Variants in SMYD1 observed in about 807,000 individuals in gnomAD.
SMYD1 encodes histone-lysine N-methyltransferase SMYD1.
Under a neutral mutation model 54.0 loss-of-function variants are expected in SMYD1, and 49 were observed. The ratio of observed to expected loss-of-function variants is 0.91; its 90% confidence interval spans 0.72 to 1.15. The LOEUF (loss-of-function observed/expected upper bound fraction) is 1.15. Ranked by LOEUF, SMYD1 falls within the 50% of genes most tolerant of loss-of-function variation. The pLI is 0.00. For missense variants in SMYD1, 653 were observed against 639.6 expected (o/e 1.02, Z -0.23); for synonymous variants, 269 against 234.2 (o/e 1.15, Z -1.36).
chr2:88,067,950 CTG>C lies in SMYD1; in HGVS notation c.87_88del (p.Ala30ArgfsTer6), dbSNP rs777427489. On this transcript the variant is annotated frameshift_variant, in exon 1 of 10. Coordinates refer to ENST00000419482, the MANE Select transcript of SMYD1 (RefSeq NM_198274.4). LOFTEE classifies it high-confidence loss of function. ...CTGAAGGCCACCAAGGAGTTCTGGGCTGCAGATATCATCTTTGCTGAGCGGGC... is the reference window on the plus strand; with the variant it reads ...CTGAAGGCCACCAAGGAGTTCTGGGCCAGATATCATCTTTGCTGAGCGGGC... 1.9e-6 allele frequency: 3 copies of C among 1,613,978 alleles called. No homozygotes were observed. The East Asian group carries it at 6.7e-5, about 36-fold the overall frequency.
chr2:88,082,438 C>T (rs548905907), intron 1 of SMYD1: 1 of 152,616 alleles, frequency 6.6e-6, no homozygotes, highest in South Asian at 2.1e-4. Flanking sequence ...TTAGGAAGCC[C>T]AGGATGTAGC....
chr2:88,085,580 T>G (rs1674306084), intron 2 of SMYD1, among the ~76,000 whole-genome samples: 1 of 152,218 alleles, frequency 6.6e-6, no homozygotes, highest in Non-Finnish European at 1.5e-5. Context: ...TCCATGCCCC[T>G]TAGCTCCATC....
intron 4 of SMYD1, among the ~76,000 whole-genome samples, chr2:88,091,839 G>C (rs1404014562): frequency 6.6e-6 from 1 of 152,132 alleles, no homozygotes; most frequent in Non-Finnish European, 1.5e-5. Context: ...ACTCCAGCTT[G>C]GGTGACAAAG....
chr2:88,100,000 C>A (rs973773860), intron 6 of SMYD1, among the ~76,000 whole-genome samples: 2 of 149,814 alleles, frequency 1.3e-5, no homozygotes, highest in South Asian at 2.1e-4. Context: ...TCCTCTGGCT[C>A]CTCCCCCAGC....
At position 88,084,414 on chromosome 2, in the gene SMYD1, A is replaced by G; in HGVS notation, c.236A>G (p.Gln79Arg). The G allele has an allele frequency of 6.2e-7, 1 of 1,609,342 alleles. No homozygotes were observed. The highest frequency in any genetic ancestry group is 8.5e-7 in the Non-Finnish European group (1 of 1,176,082). The change falls in exon 2 of 10, where the codon CAG becomes CGG. Residue 79 changes from glutamine (Q) to arginine (R), a missense_variant. Gln to Arg is a conservative substitution (Grantham distance 43). Transcript: ENST00000419482. ...GCCCATTACTGCGACCGCACCTGCC[A>G]GAAGGATGCTTGGCTGAACCACAAG... is the stretch of plus-strand genomic sequence containing the variant. Reference protein sequence around the residue: ...KFAHYCDRTCQKDAWLNHKNE... With the variant: ...KFAHYCDRTCRKDAWLNHKNE...
Position 88,087,958 on chromosome 2 carries a change from G to A in SMYD1, c.411G>A (p.Glu137=). 1 of 1,614,176 alleles carries A rather than the reference G, an allele frequency of 6.2e-7. No homozygotes were observed. Among genetic ancestry groups the A allele is most frequent in the Non-Finnish European group, 8.5e-7 (1 of 1,180,002 alleles). Residue 137 remains glutamate (E), a synonymous_variant, in exon 3 of 10, where the codon GAG becomes GAA. Coordinates refer to ENST00000419482, the MANE Select transcript of SMYD1 (RefSeq NM_198274.4). ...VSVDDLQNHV[E]HFGEEEQKDL... is the part of the protein sequence containing the mutation. ...TGGACGACTTGCAGAACCACGTGGA[G>A]CACTTTGGGGAGGAGGAGCAGAAGG...
At position 88,110,494 on chromosome 2, in the gene SMYD1, G is replaced by A. The variant is rs530790644; in HGVS notation, c.1455G>A (p.Leu485=). ...CCAGCAATGAGCCATCCCCAGCTCT[G>A]TTCCACAAGAAGCAATGAGGACTGC... ...AEPSNEPSPA[L]FHKKQ The change falls in exon 10 of 10, where the codon CTG becomes CTA. Residue 485 remains leucine (L), a synonymous_variant. Transcript: ENST00000419482. The A allele has an allele frequency of 1.0e-5, 16 of 1,588,170 alleles. No individual in the cohort carries two copies. The African/African-American group carries it at 1.2e-4, about 12-fold the overall frequency.
At chr2:88,073,975 C>T (rs1328199343) in intron 1 of SMYD1, among the ~76,000 whole-genome samples, 2 of 152,066 alleles carry the variant, frequency 1.3e-5, no homozygotes, top group Non-Finnish European at 2.9e-5. Context: ...GCTCGATGCA[C>T]ATAACAGATG....
chr2:88,103,638 C>T (rs1674779218), intron 7 of SMYD1, among the ~76,000 whole-genome samples: 1 of 152,050 alleles, frequency 6.6e-6, no homozygotes, highest in Non-Finnish European at 1.5e-5. Context: ...CTCAGGCCCC[C>T]ACTCAGGACA....
At chr2:88,100,735 C>A (rs760826099) in intron 6 of SMYD1, among the ~76,000 whole-genome samples, 2 of 152,166 alleles carry the variant, frequency 1.3e-5, no homozygotes, top group Non-Finnish European at 1.5e-5. Flanking sequence ...TTCCGGGGCA[C>A]AAGGCAGCAG....
intron 9 of SMYD1, 124 bp downstream of exon 9, chr2:88,108,663 C>A: frequency 2.1e-6 from 2 of 952,590 alleles, no homozygotes; most frequent in East Asian, 2.9e-5. Context: ...AAAGGGAACT[C>A]AGAAACGCTT....
At chr2:88,105,503 G>T (rs1020173508) in intron 7 of SMYD1, among the ~76,000 whole-genome samples, 3 of 152,058 alleles carry the variant, frequency 2.0e-5, no homozygotes, top group Non-Finnish European at 4.4e-5. Flanking sequence ...TACAACCTAT[G>T]CACATCCTTC....
intron 1 of SMYD1, among the ~76,000 whole-genome samples, chr2:88,070,122 T>G (rs748055482): frequency 2.3e-3 from 4 of 1,766 alleles, no homozygotes; most frequent in Non-Finnish European, 8.6e-3. Flanking sequence ...AAAGAGATAG[T>G]TTTTTTTTCA....
At chr2:88,101,031 T>C (rs1189791140) in intron 6 of SMYD1, among the ~76,000 whole-genome samples, 4 of 152,316 alleles carry the variant, frequency 2.6e-5, no homozygotes, top group African/African-American at 9.6e-5. Flanking sequence ...AGAACAAATA[T>C]AGTACCCCTT....
intron 1 of SMYD1, among the ~76,000 whole-genome samples, chr2:88,078,948 G>A (rs933005486): frequency 2.5e-4 from 38 of 152,252 alleles, no homozygotes; most frequent in Non-Finnish European, 2.5e-4. Context: ...CTAGGCCCTA[G>A]CAAAATTACA....
At chr2:88,101,427 G>A (rs1386661182) in intron 6 of SMYD1, among the ~76,000 whole-genome samples, 1 of 152,100 alleles carries the variant, frequency 6.6e-6, no homozygotes, top group East Asian at 1.9e-4. Context: ...AATATACTGA[G>A]TGAAAAAATG....
At chr2:88,107,955 C>T (rs147418342) in intron 8 of SMYD1, among the ~76,000 whole-genome samples, 1 of 152,338 alleles carries the variant, frequency 6.6e-6, no homozygotes, top group African/African-American at 2.4e-5. Flanking sequence ...CTGTCCTGCA[C>T]CCACTGTCCG....
chr2:88,113,112 A>G lies in SMYD1; in HGVS notation c.*2600A>G, dbSNP rs1316799324. 6.6e-6 allele frequency: 1 copy of G among 152,024 alleles called. No homozygotes were observed. Among genetic ancestry groups the G allele is most frequent in the African/African-American group, 2.4e-5 (1 of 41,374 alleles). 9.4% of individuals were successfully genotyped at this position (152,024 alleles called of 1,614,324 possible). On this transcript the variant is annotated 3_prime_UTR_variant, in exon 10 of 10. Transcript: ENST00000419482. Reference sequence around the variant, plus strand: ...CTCCTCTGATCTGTTCTTTCTTGGAACACCACCCAAGAACGTCACCTCCTC... The same window carrying G: ...CTCCTCTGATCTGTTCTTTCTTGGAGCACCACCCAAGAACGTCACCTCCTC...
intron 1 of SMYD1, among the ~76,000 whole-genome samples, chr2:88,070,353 G>T (rs762822534): frequency 6.6e-6 from 1 of 152,144 alleles, no homozygotes; most frequent in African/African-American, 2.4e-5. Flanking sequence ...CCATCTTACT[G>T]CAAGACAGGC....
Sources: gnomAD v4.1 joint callset for allele counts (sites outside exome capture counted in the v4.1 genomes callset) on GRCh38, gnomAD v4.1.1 for gene constraint, MANE v1.5 for transcripts, NCBI Gene and HGNC (gene_info 2026-07-23, HGNC 2026-07-21) for gene names.